Variants in ABR observed in about 807,000 individuals in gnomAD.
ABR encodes ABR activator of RhoGEF and GTPase, also known as active breakpoint cluster region-related protein.
ABR carries 35 observed loss-of-function variants against 107.2 expected under a neutral mutation model. The observed-to-expected ratio is 0.33, with a 90% CI of 0.25 to 0.43. The LOEUF (loss-of-function observed/expected upper bound fraction) is 0.43, where lower values mean the gene tolerates loss of function less well. Ranked by LOEUF, ABR falls within the 20% of genes least tolerant of loss-of-function variation. The pLI, the probability that ABR is intolerant of heterozygous loss-of-function variation, is 1.00. For missense variants in ABR, 815 were observed against 1,115.2 expected, an observed-to-expected ratio of 0.73 and a Z score of 3.83; for synonymous variants, 498 against 462.0, an observed-to-expected ratio of 1.08 and a Z score of -1.00.
chr17:1,134,711 G>C (rs928298303), intron 1 of ABR, among the ~76,000 whole-genome samples: 1 of 152,212 alleles, frequency 6.6e-6, no homozygotes, highest in African/African-American at 2.4e-5. Flanking sequence ...CTCGGGGAGG[G>C]GAGGTGGCTG....
intron 1 of ABR, 60 bp from the exon 2 acceptor site, chr17:1,125,427 T>C: frequency 6.3e-7 from 1 of 1,589,222 alleles, no homozygotes; most frequent in African/African-American, 1.3e-5. Flanking sequence ...CAGGGACTGG[T>C]AGCGTAGTGG....
chr17:1,147,398 TC>T, intron 1 of ABR, among the ~76,000 whole-genome samples: 1 of 151,318 alleles, frequency 6.6e-6, no homozygotes, highest in African/African-American at 2.4e-5. Flanking sequence ...TCTCACTCTG[TC>T]GCCCAGCCTG....
At position 1,037,697 on chromosome 17, in the gene ABR, C is replaced by G. The variant is rs532602877; in HGVS notation, c.1791+12353G>C. ...AAGGAGGGGGTGTGGCCGGGTCTCC[C>G]AGCACAGCCATAAATTGCAGCCTGA... On this transcript the variant is annotated intron_variant, in intron 16 of 22. Transcript: ENST00000302538. The surrounding 1 kb of genome is among the most constrained non-coding windows in gnomAD (Gnocchi z 4.6). Among the ~76,000 whole-genome samples the G allele has an allele frequency of 6.6e-6, 1 of 152,114 alleles. No homozygotes were observed. Among genetic ancestry groups the G allele is most frequent in the Non-Finnish European group, 1.5e-5 (1 of 68,022 alleles).
At chr17:1,173,910 C>A (rs1470575822) in intron 1 of ABR, among the ~76,000 whole-genome samples, 2 of 152,216 alleles carry the variant, frequency 1.3e-5, no homozygotes, top group Non-Finnish European at 2.9e-5. Context: ...GACAGCTGAG[C>A]TGCTCAATAG....
intron 16 of ABR, among the ~76,000 whole-genome samples, chr17:1,015,598 A>G (rs556851024): frequency 1.3e-4 from 19 of 151,956 alleles, no homozygotes; most frequent in African/African-American, 4.3e-4. Context: ...CTGGAATTAC[A>G]GACACACACA....
intron 1 of ABR, among the ~76,000 whole-genome samples, chr17:1,221,297 G>A (rs72816231): frequency 0.23 from 34,473 of 152,106 alleles, 4,115 homozygotes; most frequent in African/African-American, 0.28. Flanking sequence ...CCAGGAAAGT[G>A]CCTTAAAAGG....
chr17:1,194,251 G>A (rs921331772), intron 1 of ABR, among the ~76,000 whole-genome samples: 6 of 150,416 alleles, frequency 4.0e-5, no homozygotes, highest in South Asian at 4.2e-4. Context: ...GCAATGGCAC[G>A]ATCTTGGCTC....
In ABR at chr17:1,070,582, C is replaced by A. The variant is rs549162416; in HGVS notation, c.895-492G>T. Reference sequence around the variant, plus strand: ...CCCGGCTCAACCGAGACCCGAGACCCGAGACCCACTCAGGCCTGTCTGTGC... The same window carrying A: ...CCCGGCTCAACCGAGACCCGAGACCAGAGACCCACTCAGGCCTGTCTGTGC... On this transcript the variant is annotated intron_variant, in intron 8 of 22. Transcript: ENST00000302538. This position sits in a 1 kb window ranked among gnomAD's most constrained non-coding sequence, Gnocchi z 4.2. 1.3e-5 allele frequency among the ~76,000 whole-genome samples: 2 copies of A among 152,104 alleles called. No individual in the cohort carries two copies. Among genetic ancestry groups the A allele is most frequent in the Admixed American group, 6.5e-5 (1 of 15,274 alleles).
chr17:1,019,737 G>C (rs1241255317), intron 16 of ABR, among the ~76,000 whole-genome samples: 1 of 152,282 alleles, frequency 6.6e-6, no homozygotes, highest in Non-Finnish European at 1.5e-5. Flanking sequence ...GCTATTTCCT[G>C]ATGAGATTAG....
At chr17:1,171,326 T>C (rs1338424819) in intron 1 of ABR, among the ~76,000 whole-genome samples, 1 of 152,064 alleles carries the variant, frequency 6.6e-6, no homozygotes, top group Non-Finnish European at 1.5e-5. Context: ...AAGCAGCCCT[T>C]CAATCCCACG....
At chr17:1,124,356 G>A (rs2039493029) in intron 2 of ABR, among the ~76,000 whole-genome samples, 1 of 152,088 alleles carries the variant, frequency 6.6e-6, no homozygotes, top group Non-Finnish European at 1.5e-5. Flanking sequence ...GGACGAGCAG[G>A]ACCAAGCAAG....
chr17:1,142,194 T>G (rs1260817834), intron 1 of ABR, among the ~76,000 whole-genome samples: 2 of 152,146 alleles, frequency 1.3e-5, no homozygotes, highest in East Asian at 3.9e-4. Context: ...GCATCAGGCC[T>G]GTTAAAAGCT....
chr17:1,137,197 C>T (rs1036656831), intron 1 of ABR, among the ~76,000 whole-genome samples: 1 of 152,106 alleles, frequency 6.6e-6, no homozygotes, highest in African/African-American at 2.4e-5. Flanking sequence ...GCGCCCGCCA[C>T]CACGCCCGGC....
chr17:1,009,800 G>A lies in ABR; in HGVS notation c.2237-16C>T. On this transcript the variant is annotated splice_polypyrimidine_tract_variant and intron_variant, in intron 20 of 22. Coordinates refer to ENST00000302538, the MANE Select transcript of ABR (RefSeq NM_021962.5). ...TCTGACAGGGCTGTGGGAGAGAAGG[G>A]CCAGTGTGGCGTTTGGCTCCTGGGG... 6.2e-7 allele frequency: 1 copy of A among 1,609,812 alleles called. No homozygotes were observed. Among genetic ancestry groups the A allele is most frequent in the East Asian group, 2.2e-5 (1 of 44,866 alleles).
Position 1,013,126 on chromosome 17 carries a change from C to T in ABR, c.1830G>A (p.Thr610=), listed in dbSNP as rs1317778818. The T allele has an allele frequency of 8.1e-6, 13 of 1,614,046 alleles. No homozygotes were observed. Among genetic ancestry groups the T allele is most frequent in the African/African-American group, 4.0e-5 (3 of 74,936 alleles). ...TCACCCCGTTCATCTCAATCACGTC[C>T]GTGTGCCAGTTCTTGGTCTCCACGG... ...PQTVETKNWH[T]DVIEMNGIKV... The change falls in exon 17 of 23, where the codon ACG becomes ACA. Residue 610 remains threonine, a synonymous_variant. Transcript: ENST00000302538.
chr17:1,151,672 T>A (rs1268941855), intron 1 of ABR, among the ~76,000 whole-genome samples: 1 of 152,202 alleles, frequency 6.6e-6, no homozygotes, highest in Non-Finnish European at 1.5e-5. Context: ...TACAGAGCCC[T>A]GGACAGGAAG....
intron 6 of ABR, among the ~76,000 whole-genome samples, chr17:1,076,896 T>C (rs1597701106): frequency 6.6e-6 from 1 of 152,330 alleles, no homozygotes; most frequent in East Asian, 1.9e-4. Context: ...TCCTGCAGGC[T>C]GGCCTGCTTC....
At position 1,072,995 on chromosome 17, in the gene ABR, C is replaced by T. The variant is rs917099754; in HGVS notation, c.754-241G>A. Among the ~76,000 whole-genome samples the T allele has an allele frequency of 2.0e-4, 31 of 152,036 alleles. No homozygotes were observed. In the East Asian group the frequency reaches 2.3e-3, roughly 11 times the overall value. On this transcript the variant is annotated intron_variant, in intron 7 of 22. Coordinates refer to ENST00000302538, the MANE Select transcript of ABR (RefSeq NM_021962.5). ...AGAAGTTCGAGACCAGCCTGGGCAA[C>T]GTGGTGAAACCCCATCTCTAGTAAA...
At position 1,100,960 on chromosome 17, in the gene ABR, A is replaced by T. The variant is rs140648113; in HGVS notation, c.247-225T>A. The T allele has an allele frequency of 3.3e-3, 1,866 of 567,388 alleles. 38 individuals carry two copies. Among genetic ancestry groups the T allele is most frequent in the African/African-American group, 0.032 (1,717 of 53,262 alleles). The allele number at this position is 567,388 out of a possible 1,614,324, so 35.1% of individuals were successfully genotyped here. A position where few individuals can be genotyped will look rare whatever the true frequency, so the allele number is the denominator to read the frequency against. ...TGCCTCAGCCTCCCGAGTAGCTGGG[A>T]TTACAGGCACCTGCCACCATGCCCA... On this transcript the variant is annotated intron_variant, in intron 2 of 22. Coordinates refer to ENST00000302538, the MANE Select transcript of ABR (RefSeq NM_021962.5).
Sources: allele counts gnomAD v4.1 joint callset (sites outside exome capture counted in the v4.1 genomes callset), GRCh38; gene constraint gnomAD v4.1.1; non-coding constraint Gnocchi (gnomAD v3.1); transcripts MANE v1.5; gene names NCBI Gene and HGNC (gene_info 2026-07-23, HGNC 2026-07-21).